The following FARS2 variants were observed in gnomAD, a reference collection of about 807,000 sequenced individuals.
FARS2 encodes the protein phenylalanine--tRNA ligase, mitochondrial.
Under a neutral mutation model 46.4 loss-of-function variants are expected in FARS2, and 40 were observed. The observed-to-expected ratio is 0.86, with a 90% CI of 0.67 to 1.12. FARS2 has a LOEUF of 1.12. Among genes scored for constraint, FARS2 ranks in the 50% most tolerant of loss-of-function variants. FARS2 has a pLI of 0.00. For missense variants in FARS2, 513 were observed against 567.9 expected, an observed-to-expected ratio of 0.90 and a Z score of 0.98; for synonymous variants, 234 against 214.9, an observed-to-expected ratio of 1.09 and a Z score of -0.78.
At chr6:5,609,479 A>C in intron 5 of FARS2, 1 of 1,220,718 alleles carries the variant, frequency 8.2e-7, no homozygotes. Context: ...CCCTGCCACC[A>C]TATCCACCAC....
chr6:5,756,683 CA>C (rs892472914), intron 6 of FARS2, among the ~76,000 whole-genome samples: 2 of 151,960 alleles, frequency 1.3e-5, no homozygotes. Context: ...GACAAAGAGT[CA>C]AAAAAATCAT....
chr6:5,438,939 C>T (rs1763687684), intron 4 of FARS2, among the ~76,000 whole-genome samples: 1 of 152,146 alleles, frequency 6.6e-6, no homozygotes, highest in African/African-American at 2.4e-5. Flanking sequence ...GTGATATTTT[C>T]CTGGTTGTTT....
chr6:5,661,895 G>T (rs945890067), intron 6 of FARS2, among the ~76,000 whole-genome samples: 8 of 152,140 alleles, frequency 5.3e-5, no homozygotes, highest in Non-Finnish European at 1.2e-4. Flanking sequence ...AGTAGAGTAG[G>T]AGAGGTAACT....
At chr6:5,717,908 C>CTATATATATATATATATATATATA (rs58922507) in intron 6 of FARS2, among the ~76,000 whole-genome samples, 4 of 77,718 alleles carry the variant, frequency 5.1e-5, no homozygotes, top group African/African-American at 1.7e-4. Context: ...AAGGTATCAG[C>CTATATATATATATATATATATATA]TATATATATA....
intron 6 of FARS2, among the ~76,000 whole-genome samples, chr6:5,724,962 G>A (rs1431949295): frequency 1.3e-5 from 2 of 152,234 alleles, no homozygotes; most frequent in African/African-American, 4.8e-5. Context: ...AAAACGTAGT[G>A]GGGCAGATGC....
intron 4 of FARS2, among the ~76,000 whole-genome samples, chr6:5,460,747 A>G (rs1277331823): frequency 2.0e-5 from 3 of 152,316 alleles, no homozygotes; most frequent in South Asian, 2.1e-4. Flanking sequence ...CATGCCGACC[A>G]GGAGAACGAG....
At chr6:5,592,122 C>A (rs1447573348) in intron 5 of FARS2, among the ~76,000 whole-genome samples, 1 of 152,172 alleles carries the variant, frequency 6.6e-6, no homozygotes, top group Non-Finnish European at 1.5e-5. Flanking sequence ...CGGTGGCTCA[C>A]GCCTGTAATC....
At chr6:5,596,859 TC>T (rs1322023448) in intron 5 of FARS2, among the ~76,000 whole-genome samples, 1 of 152,194 alleles carries the variant, frequency 6.6e-6, no homozygotes, top group African/African-American at 2.4e-5. Flanking sequence ...AAGGACAAAC[TC>T]ACTTATAATC....
intron 4 of FARS2, among the ~76,000 whole-genome samples, chr6:5,506,951 G>T (rs1292757985): frequency 6.6e-6 from 1 of 152,284 alleles, no homozygotes; most frequent in Non-Finnish European, 1.5e-5. Context: ...CTGGATACAT[G>T]TCTACTGTAA....
intron 6 of FARS2, among the ~76,000 whole-genome samples, chr6:5,728,845 C>G (rs902659633): frequency 6.6e-6 from 1 of 152,210 alleles, no homozygotes. Context: ...GCTGGCCTCC[C>G]TCGGCAACCC....
intron 6 of FARS2, among the ~76,000 whole-genome samples, chr6:5,616,147 G>C (rs1384612162): frequency 2.6e-5 from 4 of 151,478 alleles, no homozygotes; most frequent in African/African-American, 9.7e-5. Flanking sequence ...CTTGATTTCA[G>C]CTGCTGTTGG....
At chr6:5,324,443 C>CTTTTTT (rs745311767) in intron 1 of FARS2, among the ~76,000 whole-genome samples, 4 of 88,282 alleles carry the variant, frequency 4.5e-5, no homozygotes, top group Admixed American at 1.2e-4. Context: ...AGACTATTTG[C>CTTTTTT]TTTTTTTTTT....
At chr6:5,676,502 A>G (rs1196962604) in intron 6 of FARS2, among the ~76,000 whole-genome samples, 1 of 152,206 alleles carries the variant, frequency 6.6e-6, no homozygotes, top group Admixed American at 6.5e-5. Flanking sequence ...ATAACATTCA[A>G]ATAAAACCAT....
At chr6:5,735,866 G>A (rs1210953992) in intron 6 of FARS2, among the ~76,000 whole-genome samples, 1 of 152,216 alleles carries the variant, frequency 6.6e-6, no homozygotes, top group African/African-American at 2.4e-5. Flanking sequence ...AGGAAGTTAA[G>A]AGTGTCCTGA....
At chr6:5,697,039 G>A (rs1272126680) in intron 6 of FARS2, among the ~76,000 whole-genome samples, 1 of 152,016 alleles carries the variant, frequency 6.6e-6, no homozygotes, top group Non-Finnish European at 1.5e-5. Context: ...TAGTTTTTTT[G>A]GAAAGATACT....
At chr6:5,623,814 A>C (rs1775900202) in intron 6 of FARS2, among the ~76,000 whole-genome samples, 1 of 152,178 alleles carries the variant, frequency 6.6e-6, no homozygotes, top group Non-Finnish European at 1.5e-5. Flanking sequence ...CTGTGTTGGG[A>C]AAATGCTGTG....
chr6:5,546,483 C>G (rs1338898294), intron 5 of FARS2, among the ~76,000 whole-genome samples: 1 of 151,644 alleles, frequency 6.6e-6, no homozygotes, highest in Non-Finnish European at 1.5e-5. Flanking sequence ...AACTCCTGAC[C>G]TTGTGATTCG....
chr6:5,676,427 G>A (rs562528134), intron 6 of FARS2, among the ~76,000 whole-genome samples: 1 of 152,258 alleles, frequency 6.6e-6, no homozygotes, highest in South Asian at 2.1e-4. Context: ...AAAATTATGA[G>A]ACTAACGATA....
At chr6:5,649,626 A>G (rs755762183) in intron 6 of FARS2, among the ~76,000 whole-genome samples, 93 of 152,252 alleles carry the variant, frequency 6.1e-4, no homozygotes, top group Non-Finnish European at 3.7e-4. Context: ...ACTGATGGCA[A>G]CTCAATAAAG....
Sources: allele counts gnomAD v4.1 joint callset (sites outside exome capture counted in the v4.1 genomes callset), GRCh38; gene constraint gnomAD v4.1.1; transcripts MANE v1.5; gene names NCBI Gene and HGNC (gene_info 2026-07-23, HGNC 2026-07-21).